Variants in SLC25A30 observed in about 807,000 individuals in gnomAD.
SLC25A30 encodes the protein solute carrier family 25 member 30.
Under a neutral mutation model 42.7 loss-of-function variants are expected in SLC25A30, and 29 were observed. The ratio of observed to expected loss-of-function variants is 0.68; its 90% CI spans 0.51 to 0.93. The LOEUF (loss-of-function observed/expected upper bound fraction) is 0.93, where lower values mean the gene tolerates loss of function less well. Among genes scored for constraint, SLC25A30 ranks in the 40% least tolerant of loss-of-function variants. The pLI is 0.00. For missense variants in SLC25A30, 300 were observed against 359.7 expected, an observed-to-expected ratio of 0.83 and a Z score of 1.34; for synonymous variants, 124 against 131.0, an observed-to-expected ratio of 0.95 and a Z score of 0.37.
intron 9 of SLC25A30, 56 bp downstream of exon 9, chr13:45,397,202 A>C (rs1360437116): frequency 8.7e-7 from 1 of 1,154,184 alleles, no homozygotes; most frequent in Non-Finnish European, 1.3e-6. Flanking sequence ...GAGTTTATAC[A>C]AATAGTATTC....
chr13:45,414,635 T>TATAC (rs1555288077), intron 1 of SLC25A30, among the ~76,000 whole-genome samples: 3 of 139,908 alleles, frequency 2.1e-5, no homozygotes, highest in Admixed American at 7.1e-5. Flanking sequence ...CACACACACA[T>TATAC]ACACACACAC....
At chr13:45,409,584 G>A (rs958780314) in intron 2 of SLC25A30, among the ~76,000 whole-genome samples, 1 of 152,074 alleles carries the variant, frequency 6.6e-6, no homozygotes, top group Admixed American at 6.6e-5. Context: ...TGAGGTGGGC[G>A]GATCACCTGA....
At position 45,397,089 on chromosome 13, in the gene SLC25A30, G is replaced by A. The variant is rs138026863; in HGVS notation, c.834+169C>T. 1.1e-3 allele frequency: 668 copies of A among 603,140 alleles called. 2 individuals carry two copies. The African/African-American group carries it at 0.011, about 10-fold the overall frequency. The allele number at this position is 603,140 out of a possible 1,614,324, so 37.4% of individuals were successfully genotyped here. A position where few individuals can be genotyped will look rare whatever the true frequency, so the allele number is the denominator to read the frequency against. ...AAAGCAAGATTCAGTGTCTAGCACG[G>A]AGACTTTACACTTCCTAAAAAAGAA... is the stretch of plus-strand genomic sequence containing the variant. On this transcript the variant is annotated intron_variant, in intron 9 of 9. Transcript: ENST00000519676.
Position 45,411,505 on chromosome 13 carries a change from C to G in SLC25A30, c.-55-25G>C. The G allele has an allele frequency of 2.1e-6, 3 of 1,402,388 alleles. No homozygotes were observed. In the South Asian group the frequency reaches 3.6e-5, roughly 17 times the overall value. The allele number at this position is 1,402,388 out of a possible 1,614,324, so 86.9% of individuals were successfully genotyped here. A position where few individuals can be genotyped will look rare whatever the true frequency, so the allele number is the denominator to read the frequency against. ...CCTGGACACAACAATAAGATATTATCAAGCTGTAACTTCTCACACAGGCAG... is the reference window on the plus strand; with the variant it reads ...CCTGGACACAACAATAAGATATTATGAAGCTGTAACTTCTCACACAGGCAG... On this transcript the variant is annotated intron_variant, in intron 1 of 9. Coordinates refer to ENST00000519676, the MANE Select transcript of SLC25A30 (RefSeq NM_001010875.4).
At chr13:45,404,647 C>A (rs1172531295) in intron 4 of SLC25A30, among the ~76,000 whole-genome samples, 1 of 151,994 alleles carries the variant, frequency 6.6e-6, no homozygotes, top group Non-Finnish European at 1.5e-5. Context: ...GGTGAAACCC[C>A]GTCTCTACTA....
In SLC25A30 at chr13:45,394,541, T is replaced by C; in HGVS notation, c.*1433A>G. 3.0e-6 allele frequency: 3 copies of C among 985,308 alleles called. No homozygotes were observed. Among genetic ancestry groups the C allele is most frequent in the Non-Finnish European group, 3.6e-6 (3 of 829,916 alleles). 61.0% of individuals were successfully genotyped at this position (985,308 alleles called of 1,614,324 possible). ...AAAGGGGGAACTGAAGAGACCCAAA[T>C]AAATATGTTCCCTGTCCTGTGGCTG... On this transcript the variant is annotated 3_prime_UTR_variant, in exon 10 of 10. Coordinates refer to ENST00000519676, the MANE Select transcript of SLC25A30 (RefSeq NM_001010875.4).
chr13:45,419,103 C>T (rs1378982399), upstream of SLC25A30, among the ~76,000 whole-genome samples: 8 of 138,954 alleles, frequency 5.8e-5, no homozygotes, highest in Non-Finnish European at 1.1e-4. Flanking sequence ...TGCACTCCAG[C>T]CTGGGCGACA....
At chr13:45,416,366 C>T (rs1414866069) in intron 1 of SLC25A30, among the ~76,000 whole-genome samples, 1 of 151,860 alleles carries the variant, frequency 6.6e-6, no homozygotes, top group Non-Finnish European at 1.5e-5. Flanking sequence ...TGAGACCGCA[C>T]CACTGCACCC....
intron 3 of SLC25A30, among the ~76,000 whole-genome samples, chr13:45,407,372 T>TA (rs572023178): frequency 4.8e-5 from 7 of 147,314 alleles, no homozygotes; most frequent in Non-Finnish European, 7.5e-5. Flanking sequence ...AAACGCCATC[T>TA]AAAAAAAAAA....
the SLC25A30 span, among the ~76,000 whole-genome samples, chr13:45,428,278 G>A: frequency 1.8e-4 from 27 of 150,096 alleles, no homozygotes; most frequent in Admixed American, 9.3e-4. Flanking sequence ...GTGCAATCTC[G>A]GCTCACTGCA....
the SLC25A30 span, among the ~76,000 whole-genome samples, chr13:45,423,772 A>C: frequency 1.2e-5 from 1 of 81,146 alleles, no homozygotes; most frequent in Non-Finnish European, 2.1e-5. Context: ...ATATAAAAAT[A>C]TATAAATATA....
chr13:45,423,913 A>G, the SLC25A30 span, among the ~76,000 whole-genome samples: 3 of 89,048 alleles, frequency 3.4e-5, no homozygotes, highest in African/African-American at 9.0e-5. Flanking sequence ...AAGAATATAT[A>G]AAAATATATA....
At chr13:45,397,236 C>T in intron 9 of SLC25A30, 22 bp downstream of exon 9, 2 of 1,496,560 alleles carry the variant, frequency 1.3e-6, no homozygotes, top group Non-Finnish European at 9.3e-7. Flanking sequence ...TTTTTCAGAT[C>T]TATTGCAACA....
the SLC25A30 span, among the ~76,000 whole-genome samples, chr13:45,424,053 CTATAAAAATATATATATTTA>C: frequency 1.7e-5 from 1 of 57,296 alleles, no homozygotes; most frequent in Non-Finnish European, 3.2e-5. Context: ...ATATATAAAT[CTATAAAAATATATATATTTA>C]TATAAATATA....
chr13:45,400,387 A>C (rs1248983659), intron 7 of SLC25A30, among the ~76,000 whole-genome samples: 1 of 152,054 alleles, frequency 6.6e-6, no homozygotes, highest in African/African-American at 2.4e-5. Context: ...ACACCACTGC[A>C]CTCCAGCCTG....
At chr13:45,432,098 C>T in the SLC25A30 span, among the ~76,000 whole-genome samples, 50 of 151,794 alleles carry the variant, frequency 3.3e-4, no homozygotes, top group African/African-American at 1.2e-3. Context: ...AGTGAAACCC[C>T]GTCTCTACTA....
At chr13:45,397,407 GC>G in intron 8 of SLC25A30, 69 bp from the exon 9 acceptor site, 2 of 1,152,314 alleles carry the variant, frequency 1.7e-6, no homozygotes, top group Non-Finnish European at 2.6e-6. Context: ...ATAATTAGTG[GC>G]CAGGCCAGGC....
the SLC25A30 span, among the ~76,000 whole-genome samples, chr13:45,425,405 T>C: frequency 8.8e-6 from 1 of 113,182 alleles, no homozygotes; most frequent in South Asian, 2.4e-4. Flanking sequence ...TATATGTATA[T>C]ATATAAATAT....
upstream of SLC25A30, among the ~76,000 whole-genome samples, chr13:45,422,149 C>G (rs1233855936): frequency 6.6e-6 from 1 of 152,108 alleles, no homozygotes; most frequent in Non-Finnish European, 1.5e-5. Flanking sequence ...CAATAAATAA[C>G]AAATGCTTTG....
Sources: gnomAD v4.1 joint callset for allele counts (sites outside exome capture counted in the v4.1 genomes callset) on GRCh38, gnomAD v4.1.1 for gene constraint, MANE v1.5 for transcripts, NCBI Gene and HGNC (gene_info 2026-07-23, HGNC 2026-07-21) for gene names.